Variants in CUX1 observed in about 807,000 individuals in gnomAD.
CUX1 encodes cut like homeobox 1.
A neutral mutation model predicts 158.8 loss-of-function variants in CUX1; 31 were observed. The ratio of observed to expected loss-of-function variants is 0.20; its 90% CI spans 0.15 to 0.26. The LOEUF (loss-of-function observed/expected upper bound fraction) is 0.26, where lower values mean the gene tolerates loss of function less well. Ranked by LOEUF, CUX1 falls within the 10% of genes least tolerant of loss-of-function variation. The pLI is 1.00. For missense variants in CUX1, 1,589 were observed against 2,014.6 expected, an observed-to-expected ratio of 0.79 and a Z score of 4.04; for synonymous variants, 879 against 862.1, an observed-to-expected ratio of 1.02 and a Z score of -0.34.
Position 102,224,063 on chromosome 7 carries a change from T to G in CUX1, c.3131-3304T>G, listed in dbSNP as rs116549061. 8.5e-3 allele frequency among the ~76,000 whole-genome samples: 1,291 copies of G among 152,366 alleles called. 12 individuals are homozygous for G. Among genetic ancestry groups the G allele is most frequent in the African/African-American group, 0.03 (1,235 of 41,576 alleles). On this transcript the variant is annotated intron_variant, in intron 20 of 23. Transcript: ENST00000292535. Reference sequence around the variant, plus strand: ...ACGCGTCTGTTTGCTGTGGCATCTCTCCATGCCTGTGCAAAAAACATGTAC... The same window carrying G: ...ACGCGTCTGTTTGCTGTGGCATCTCGCCATGCCTGTGCAAAAAACATGTAC...
intron 3 of CUX1, among the ~76,000 whole-genome samples, chr7:102,050,414 ATC>A (rs920691325): frequency 2.6e-5 from 4 of 151,996 alleles, no homozygotes; most frequent in Non-Finnish European, 5.9e-5. Context: ...CTTTCCCTGT[ATC>A]TCTGTCCCAT....
chr7:102,204,485 G>A lies in CUX1; in HGVS notation c.3002G>A (p.Arg1001Gln), dbSNP rs1795752720. ...CAGAAAGGCCGAGAACCCTTCATCCGGATGCAGCTCTGGCTGAACGGCGAG... is the reference window on the plus strand; with the variant it reads ...CAGAAAGGCCGAGAACCCTTCATCCAGATGCAGCTCTGGCTGAACGGCGAG... ...LTQKGREPFI[R>Q]MQLWLNGELG... The change falls in exon 19 of 24, where the codon CGG becomes CAG. Residue 1001 changes from arginine to glutamine, a missense_variant. Physicochemically the swap from Arg to Gln is conservative, Grantham distance 43 (BLOSUM62 1). This residue lies in a region of CUX1 where 259 missense variants were observed against 373.8 expected (regional missense o/e 0.69). Coordinates refer to ENST00000292535, the MANE Select transcript of CUX1 (RefSeq NM_181552.4). The A allele has an allele frequency of 6.2e-7, 1 of 1,613,814 alleles. No homozygotes were observed. The highest frequency in any genetic ancestry group is 8.5e-7 in the Non-Finnish European group (1 of 1,180,026).
intron 23 of CUX1, among the ~76,000 whole-genome samples, chr7:102,246,548 G>A (rs760203230): frequency 2.5e-4 from 38 of 149,090 alleles, no homozygotes; most frequent in African/African-American, 6.4e-4. Context: ...AGGACCCGGC[G>A]CAGAGTAGGA....
intron 2 of CUX1, among the ~76,000 whole-genome samples, chr7:101,968,484 G>T (rs979993718): frequency 7.9e-5 from 12 of 152,062 alleles, no homozygotes; most frequent in African/African-American, 2.9e-4. Context: ...GTGCAGTGGC[G>T]CGATCTTGGC....
At chr7:101,822,892 G>T (rs1465537441) in intron 1 of CUX1, among the ~76,000 whole-genome samples, 1 of 148,538 alleles carries the variant, frequency 6.7e-6, no homozygotes, top group Admixed American at 6.7e-5. Flanking sequence ...GTGACAGAGC[G>T]AGACTCTGTC....
intron 7 of CUX1, among the ~76,000 whole-genome samples, chr7:102,112,577 GTT>G (rs113087575): frequency 2.1e-5 from 3 of 146,166 alleles, no homozygotes; most frequent in Non-Finnish European, 3.0e-5. Flanking sequence ...TTTTGTTTTT[GTT>G]TTTTTTTTGA....
At chr7:102,195,986 G>A (rs1443474060) in intron 14 of CUX1, among the ~76,000 whole-genome samples, 6 of 152,200 alleles carry the variant, frequency 3.9e-5, no homozygotes, top group African/African-American at 1.2e-4. Flanking sequence ...GGACAGCCCC[G>A]GGCCTGCCGG....
chr7:101,914,587 C>T (rs963637080), intron 1 of CUX1, among the ~76,000 whole-genome samples: 2 of 151,708 alleles, frequency 1.3e-5, no homozygotes, highest in African/African-American at 4.8e-5. Flanking sequence ...CAACCTCTGC[C>T]TCCCCGGTTC....
rs572740254 is a variant in CUX1, at chr7:101,968,404, G to T, written c.141+52179G>T. The stretch of plus-strand genomic sequence containing the variant: ...TGTCTGGGAGTCCCAAGCCACATGG[G>T]GTAGGGGCATCAGAAGAGTCTAGAA... On this transcript the variant is annotated intron_variant, in intron 2 of 23. Transcript: ENST00000292535. Among the ~76,000 whole-genome samples the T allele has an allele frequency of 1.7e-3, 254 of 152,080 alleles. 2 individuals carry two copies. Among genetic ancestry groups the T allele is most frequent in the African/African-American group, 6.0e-3 (248 of 41,476 alleles).
At chr7:101,964,959 A>G (rs441780) in intron 2 of CUX1, among the ~76,000 whole-genome samples, 131,438 of 152,250 alleles carry the variant, frequency 0.86, 57,307 homozygotes, top group African/African-American at 0.96. Flanking sequence ...TCTCTTTCCA[A>G]CACCAGTGTG....
chr7:101,873,980 T>C (rs1798863716), intron 1 of CUX1, among the ~76,000 whole-genome samples: 1 of 152,246 alleles, frequency 6.6e-6, no homozygotes. Context: ...GGAAGACTGC[T>C]GAAGTAAAGA....
chr7:102,242,780 G>A (rs1333960186), intron 23 of CUX1, among the ~76,000 whole-genome samples: 10 of 152,152 alleles, frequency 6.6e-5, no homozygotes, highest in African/African-American at 1.9e-4. Flanking sequence ...ACACACCCTC[G>A]GGTTTCTCAG....
chr7:102,054,815 T>G (rs1351591563), intron 3 of CUX1, among the ~76,000 whole-genome samples: 1 of 151,970 alleles, frequency 6.6e-6, no homozygotes, highest in Non-Finnish European at 1.5e-5. Flanking sequence ...AAGAAAAAAG[T>G]TAAAGATTAG....
At chr7:101,935,747 G>A (rs181685156) in intron 2 of CUX1, among the ~76,000 whole-genome samples, 1 of 152,322 alleles carries the variant, frequency 6.6e-6, no homozygotes, top group East Asian at 1.9e-4. Flanking sequence ...GGTGGTGTTG[G>A]GGACAGCACA....
downstream of CUX1, among the ~76,000 whole-genome samples, chr7:102,261,062 G>A (rs959474257): frequency 3.3e-5 from 5 of 152,264 alleles, no homozygotes; most frequent in South Asian, 2.1e-4. Flanking sequence ...CCAGTGGGCC[G>A]TTGCTTAGCA....
intron 11 of CUX1, among the ~76,000 whole-genome samples, chr7:102,182,328 C>T (rs1427678925): frequency 6.6e-6 from 1 of 152,220 alleles, no homozygotes; most frequent in Non-Finnish European, 1.5e-5. Flanking sequence ...TCCACCCATA[C>T]TTTCCAATGA....
intron 2 of CUX1, among the ~76,000 whole-genome samples, chr7:102,003,018 C>T (rs998332488): frequency 6.6e-6 from 1 of 152,122 alleles, no homozygotes; most frequent in Non-Finnish European, 1.5e-5. Flanking sequence ...TCTCCTGCCT[C>T]TGCCTCCTGA....
intron 1 of CUX1, among the ~76,000 whole-genome samples, chr7:101,865,735 C>T (rs143557851): frequency 6.6e-5 from 10 of 152,340 alleles, no homozygotes; most frequent in African/African-American, 1.9e-4. Context: ...ATGGCCACCA[C>T]GGGACGTGCG....
At chr7:102,157,657 G>A (rs541755796) in intron 8 of CUX1, among the ~76,000 whole-genome samples, 1 of 152,292 alleles carries the variant, frequency 6.6e-6, no homozygotes, top group African/African-American at 2.4e-5. Flanking sequence ...GTGCACGCCT[G>A]TAGTCTCAGC....
Sources: gnomAD v4.1 joint callset for allele counts (sites outside exome capture counted in the v4.1 genomes callset) on GRCh38, gnomAD v4.1.1 for gene constraint, gnomAD v4.1.1 regional missense constraint, MANE v1.5 for transcripts, NCBI Gene and HGNC (gene_info 2026-07-23, HGNC 2026-07-21) for gene names.